The following ALKBH8 variants were observed in gnomAD, a reference collection of about 807,000 sequenced individuals.
ALKBH8 encodes the protein tRNA (carboxymethyluridine(34)-5-O)-methyltransferase ALKBH8.
ALKBH8 carries 36 observed loss-of-function variants against 59.8 expected under a neutral mutation model. The ratio of observed to expected loss-of-function variants is 0.60; its 90% CI spans 0.46 to 0.79. The LOEUF (loss-of-function observed/expected upper bound fraction) is 0.79. Ranked by LOEUF, ALKBH8 falls within the 30% of genes least tolerant of loss-of-function variation. ALKBH8 has a pLI of 0.00. For missense variants in ALKBH8, 768 were observed against 801.0 expected (o/e 0.96, Z 0.50); for synonymous variants, 276 against 273.6 (o/e 1.01, Z -0.09).
At chr11:107,543,998 C>A (rs1348100679) in intron 7 of ALKBH8, among the ~76,000 whole-genome samples, 1 of 152,180 alleles carries the variant, frequency 6.6e-6, no homozygotes, top group African/African-American at 2.4e-5. Flanking sequence ...AAAATGTCTG[C>A]AGTATGTACA....
chr11:107,518,609 T>C (rs1410766375), intron 10 of ALKBH8, among the ~76,000 whole-genome samples: 1 of 152,252 alleles, frequency 6.6e-6, no homozygotes, highest in Non-Finnish European at 1.5e-5. Context: ...CCACAAACAA[T>C]AGCATGAGCA....
At chr11:107,564,076 C>T (rs1396591445) in intron 1 of ALKBH8, among the ~76,000 whole-genome samples, 1 of 152,144 alleles carries the variant, frequency 6.6e-6, no homozygotes, top group South Asian at 2.1e-4. Flanking sequence ...TGCACAGATA[C>T]TTGGATGCTC....
Position 107,553,016 on chromosome 11 carries a change from T to C in ALKBH8, c.595+92A>G, listed in dbSNP as rs1479258624. The C allele has an allele frequency of 1.1e-5, 8 of 738,648 alleles. No homozygotes were observed. The African/African-American group carries it at 1.3e-4, about 12-fold the overall frequency. The allele number at this position is 738,648 out of a possible 1,614,324, so 45.8% of individuals were successfully genotyped here. ...ACTGTTCAGAAAGTTTATCTACAAA[T>C]GACAAAAGAAACATAATCCCCCAAC... is the stretch of plus-strand genomic sequence containing the variant. On this transcript the variant is annotated intron_variant, in intron 5 of 11. Transcript: ENST00000428149.
intron 10 of ALKBH8, among the ~76,000 whole-genome samples, chr11:107,515,981 A>G (rs1166148159): frequency 6.6e-6 from 1 of 152,196 alleles, no homozygotes; most frequent in Non-Finnish European, 1.5e-5. Flanking sequence ...TCCTAAGAAA[A>G]TAATTCAAAA....
At position 107,504,841 on chromosome 11, in the gene ALKBH8, T is replaced by A; in HGVS notation, c.1812A>T (p.Lys604Asn). Residue 604 changes from lysine to asparagine, a missense_variant, in exon 12 of 12, where the codon AAA (lysine) becomes AAT (asparagine). Physicochemically the swap from Lys to Asn is moderately conservative, Grantham distance 94. Coordinates refer to ENST00000428149, the MANE Select transcript of ALKBH8 (RefSeq NM_138775.3). ...GACCAAATGGCTCAACAGGTTTGCCTTTATCAGGATTTCCCTTAAGGTGCC... is the reference window on the plus strand; with the variant it reads ...GACCAAATGGCTCAACAGGTTTGCCATTATCAGGATTTCCCTTAAGGTGCC... ...VPWHLKGNPD[K>N]GKPVEPFGPI... The A allele has an allele frequency of 1.3e-6, 2 of 1,551,742 alleles. No homozygotes were observed. Among genetic ancestry groups the A allele is most frequent in the Non-Finnish European group, 1.7e-6 (2 of 1,146,964 alleles).
intron 7 of ALKBH8, among the ~76,000 whole-genome samples, chr11:107,542,773 G>A (rs1389566439): frequency 1.3e-5 from 2 of 152,118 alleles, no homozygotes; most frequent in South Asian, 2.1e-4. Flanking sequence ...AGCTGGGCAT[G>A]GTAGCTCGTG....
At chr11:107,538,029 A>AT (rs1368741576) in intron 7 of ALKBH8, among the ~76,000 whole-genome samples, 3 of 151,434 alleles carry the variant, frequency 2.0e-5, no homozygotes, top group Non-Finnish European at 3.0e-5. Flanking sequence ...GAAGTTCTGA[A>AT]TTTTTTTTTA....
At chr11:107,559,478 T>C (rs941964022) in intron 2 of ALKBH8, among the ~76,000 whole-genome samples, 1 of 151,956 alleles carries the variant, frequency 6.6e-6, no homozygotes, top group African/African-American at 2.4e-5. Context: ...AGAAACAAGC[T>C]TCAGAGGGGT....
intron 2 of ALKBH8, among the ~76,000 whole-genome samples, chr11:107,559,882 A>G (rs2135592981): frequency 6.6e-6 from 1 of 152,270 alleles, no homozygotes; most frequent in Admixed American, 6.5e-5. Flanking sequence ...CCTAAGTTTT[A>G]ATCCCTGCTC....
intron 9 of ALKBH8, among the ~76,000 whole-genome samples, chr11:107,525,043 G>C (rs1208372277): frequency 6.6e-6 from 1 of 152,114 alleles, no homozygotes; most frequent in Non-Finnish European, 1.5e-5. Context: ...AGAACAATTT[G>C]TCATCTCCAA....
intron 10 of ALKBH8, among the ~76,000 whole-genome samples, chr11:107,514,975 C>T (rs1205718932): frequency 1.3e-5 from 2 of 152,130 alleles, no homozygotes. Flanking sequence ...GCTATTTGTA[C>T]ACAGCACTCC....
intron 2 of ALKBH8, among the ~76,000 whole-genome samples, chr11:107,559,501 G>A (rs1864851594): frequency 6.6e-6 from 1 of 150,672 alleles, no homozygotes; most frequent in Admixed American, 6.7e-5. Context: ...AAGAAATGGA[G>A]CCTATTTTTT....
chr11:107,521,987 T>C (rs528284996), intron 10 of ALKBH8, among the ~76,000 whole-genome samples: 1 of 152,150 alleles, frequency 6.6e-6, no homozygotes, highest in African/African-American at 2.4e-5. Flanking sequence ...CTTAGGGGGA[T>C]CCAAGCCAAA....
intron 6 of ALKBH8, among the ~76,000 whole-genome samples, chr11:107,550,867 G>A (rs1364301252): frequency 1.3e-5 from 2 of 152,170 alleles, no homozygotes; most frequent in Non-Finnish European, 2.9e-5. Flanking sequence ...TGACAAGCCA[G>A]GAAGGGAGGC....
chr11:107,552,830 C>G (rs1489071522), intron 5 of ALKBH8, among the ~76,000 whole-genome samples: 1 of 152,128 alleles, frequency 6.6e-6, no homozygotes, highest in Non-Finnish European at 1.5e-5. Flanking sequence ...ACCTAAATGT[C>G]TATCGATAGA....
At chr11:107,529,784 G>A (rs768185402) in intron 8 of ALKBH8, among the ~76,000 whole-genome samples, 12 of 152,114 alleles carry the variant, frequency 7.9e-5, no homozygotes, top group Non-Finnish European at 1.2e-4. Context: ...TTACAGGCAT[G>A]AGCCACCGCA....
intron 1 of ALKBH8, 171 bp downstream of exon 1, chr11:107,565,430 A>G (rs1865092015): frequency 1.2e-6 from 1 of 840,960 alleles, no homozygotes; most frequent in Non-Finnish European, 1.8e-6. Flanking sequence ...AGAACCACCC[A>G]ACGCAGACAC....
chr11:107,519,860 C>G (rs1863033607), intron 10 of ALKBH8, among the ~76,000 whole-genome samples: 1 of 152,080 alleles, frequency 6.6e-6, no homozygotes, highest in Non-Finnish European at 1.5e-5. Flanking sequence ...TATCTCAAAG[C>G]CTCTGTTTCC....
chr11:107,526,820 G>C (rs1381120791), intron 8 of ALKBH8, among the ~76,000 whole-genome samples: 1 of 151,894 alleles, frequency 6.6e-6, no homozygotes, highest in African/African-American at 2.4e-5. Flanking sequence ...AGCACCATCT[G>C]ATGAAAAATT....
Sources: allele counts gnomAD v4.1 joint callset (sites outside exome capture counted in the v4.1 genomes callset), GRCh38; gene constraint gnomAD v4.1.1; transcripts MANE v1.5; gene names NCBI Gene and HGNC (gene_info 2026-07-23, HGNC 2026-07-21).